CHST11: variants seen among roughly 807,000 people sequenced by gnomAD.
CHST11 encodes the protein carbohydrate sulfotransferase 11.
A neutral mutation model predicts 30.4 loss-of-function variants in CHST11; 9 were observed. The ratio of observed to expected loss-of-function variants is 0.30; its 90% confidence interval spans 0.18 to 0.52. CHST11 has a LOEUF of 0.52. CHST11 is among the 20% of genes least tolerant of loss of function. CHST11 has a pLI of 0.97. For missense variants in CHST11, 348 were observed against 460.6 expected, an observed-to-expected ratio of 0.76 and a Z score of 2.24; for synonymous variants, 152 against 187.8, an observed-to-expected ratio of 0.81 and a Z score of 1.56.
intron 2 of CHST11, among the ~76,000 whole-genome samples, chr12:104,707,111 C>T (rs2040043052): frequency 6.6e-6 from 1 of 152,202 alleles, no homozygotes; most frequent in Non-Finnish European, 1.5e-5. Flanking sequence ...CTTCCCAGAC[C>T]CTGCTACCAC....
intron 2 of CHST11, among the ~76,000 whole-genome samples, chr12:104,628,020 G>A (rs2039234353): frequency 6.6e-6 from 1 of 152,176 alleles, no homozygotes; most frequent in South Asian, 2.1e-4. Flanking sequence ...CTTTCCTAAG[G>A]TCACACAGCT....
intron 1 of CHST11, among the ~76,000 whole-genome samples, chr12:104,460,095 G>T (rs747925354): frequency 6.6e-6 from 1 of 152,148 alleles, no homozygotes; most frequent in Admixed American, 6.5e-5. Context: ...TCACTGGTTT[G>T]AATTTCTTTA....
chr12:104,716,749 GC>G (rs1430805645), intron 2 of CHST11, among the ~76,000 whole-genome samples: 1 of 152,210 alleles, frequency 6.6e-6, no homozygotes, highest in Non-Finnish European at 1.5e-5. Flanking sequence ...GGCTTCACAG[GC>G]CCAGAATTTA....
chr12:104,504,012 G>C (rs1006984700), intron 1 of CHST11, among the ~76,000 whole-genome samples: 2 of 152,224 alleles, frequency 1.3e-5, no homozygotes, highest in African/African-American at 4.8e-5. Flanking sequence ...TGCCTCAAAA[G>C]TTGGACGCAC....
At chr12:104,722,069 G>T (rs1294676126) in intron 2 of CHST11, among the ~76,000 whole-genome samples, 3 of 151,956 alleles carry the variant, frequency 2.0e-5, no homozygotes, top group Non-Finnish European at 4.4e-5. Context: ...GCTCACTGCA[G>T]CCTGGACCTC....
rs1170484603 is a variant in CHST11, at chr12:104,676,948, C to T, written c.204+74957C>T. Among the ~76,000 whole-genome samples, 5 of 152,128 alleles carry T rather than the reference C, an allele frequency of 3.3e-5. No individual in the cohort carries two copies. Among genetic ancestry groups the T allele is most frequent in the Non-Finnish European group, 7.4e-5 (5 of 67,994 alleles). The stretch of plus-strand genomic sequence containing the variant: ...TTCTATAGGGGCTGTGTGGTGTGGG[C>T]CCCATCCCAGCCCCTGCCCTTACTA... On this transcript the variant is annotated intron_variant, in intron 2 of 2. Coordinates refer to ENST00000303694, the MANE Select transcript of CHST11 (RefSeq NM_018413.6). This position sits in a 1 kb window ranked among gnomAD's most constrained non-coding sequence, Gnocchi z 4.4.
In CHST11 at chr12:104,698,137, T is replaced by C. The variant is rs1444437967; in HGVS notation, c.205-58812T>C. ...AGCCATTTATTCATCCATCATTGAC[T>C]GGAGCCCTGTTCAGTGCACCCCTGT... On this transcript the variant is annotated intron_variant, in intron 2 of 2. Coordinates refer to ENST00000303694, the MANE Select transcript of CHST11 (RefSeq NM_018413.6). Among the ~76,000 whole-genome samples, 3 of 152,250 alleles carry C rather than the reference T, an allele frequency of 2.0e-5. No homozygotes were observed. In the East Asian group the frequency reaches 5.8e-4, roughly 29 times the overall value.
intron 2 of CHST11, among the ~76,000 whole-genome samples, chr12:104,731,243 C>T (rs953137405): frequency 3.3e-5 from 5 of 152,182 alleles, no homozygotes; most frequent in Non-Finnish European, 7.4e-5. Context: ...CACCCAGACA[C>T]GGCTGCCCCC....
chr12:104,577,835 G>T (rs145662687), intron 1 of CHST11, among the ~76,000 whole-genome samples: 2 of 152,290 alleles, frequency 1.3e-5, no homozygotes, highest in African/African-American at 4.8e-5. Context: ...TTTTTATACT[G>T]AAGAGGAGAT....
rs371989033 is a variant in CHST11, at chr12:104,603,636, T to C, written c.204+1645T>C. 1.1e-4 allele frequency among the ~76,000 whole-genome samples: 17 copies of C among 152,302 alleles called. No homozygotes were observed. In the East Asian group the frequency reaches 2.9e-3, roughly 26 times the overall value. Reference sequence around the variant, plus strand: ...CCTACCTAAAACTCTCCCTGGAATGTTGGGAGGATGAAATAATTCTGATGT... The same window carrying C: ...CCTACCTAAAACTCTCCCTGGAATGCTGGGAGGATGAAATAATTCTGATGT... On this transcript the variant is annotated intron_variant, in intron 2 of 2. Transcript: ENST00000303694.
intron 2 of CHST11, among the ~76,000 whole-genome samples, chr12:104,695,583 G>A (rs1286792176): frequency 6.6e-6 from 1 of 152,146 alleles, no homozygotes; most frequent in Non-Finnish European, 1.5e-5. Context: ...CTGCAAGCGG[G>A]GAGCTTCCAG....
At chr12:104,538,490 A>T (rs915112548) in intron 1 of CHST11, among the ~76,000 whole-genome samples, 49 of 152,256 alleles carry the variant, frequency 3.2e-4, no homozygotes, top group African/African-American at 1.1e-3. Flanking sequence ...CCCCTACTGT[A>T]TTCTTTGGGA....
Position 104,669,028 on chromosome 12 carries a change from C to T in CHST11, c.204+67037C>T, listed in dbSNP as rs896250276. 2.0e-5 allele frequency among the ~76,000 whole-genome samples: 3 copies of T among 152,218 alleles called. No individual in the cohort carries two copies. The East Asian group carries it at 5.8e-4, about 29-fold the overall frequency. On this transcript the variant is annotated intron_variant, in intron 2 of 2. Coordinates refer to ENST00000303694, the MANE Select transcript of CHST11 (RefSeq NM_018413.6). ...CACATTAGCCCTGACATTTCTTTCT[C>T]CCCATTTCTGTGGGCAAGGAACACG...
chr12:104,628,424 A>G (rs1366244620), intron 2 of CHST11, among the ~76,000 whole-genome samples: 1 of 152,164 alleles, frequency 6.6e-6, no homozygotes, highest in East Asian at 1.9e-4. Flanking sequence ...CAGACACAAC[A>G]TGAGCCTATC....
intron 1 of CHST11, among the ~76,000 whole-genome samples, chr12:104,560,091 T>C (rs994726672): frequency 6.6e-6 from 1 of 151,648 alleles, no homozygotes; most frequent in African/African-American, 2.4e-5. Flanking sequence ...AGGCTCAGAG[T>C]TGGGGATGAG....
At chr12:104,713,374 A>G (rs1220925692) in intron 2 of CHST11, among the ~76,000 whole-genome samples, 1 of 152,104 alleles carries the variant, frequency 6.6e-6, no homozygotes, top group Non-Finnish European at 1.5e-5. Context: ...CAGGATAGAA[A>G]TCAGCCAAGC....
chr12:104,676,016 C>G lies in CHST11; in HGVS notation c.204+74025C>G, dbSNP rs1222464038. ...CAAGCTACATCCCCGCATGCCTCGA[C>G]TGGTCAACTCCTATAATTCTGTCTG... On this transcript the variant is annotated intron_variant, in intron 2 of 2. Transcript: ENST00000303694. The surrounding 1 kb of genome is among the most constrained non-coding windows in gnomAD (Gnocchi z 4.4). Among the ~76,000 whole-genome samples, 1 of 152,190 alleles carries G rather than the reference C, an allele frequency of 6.6e-6. No individual in the cohort carries two copies. Among genetic ancestry groups the G allele is most frequent in the Non-Finnish European group, 1.5e-5 (1 of 68,036 alleles).
intron 1 of CHST11, among the ~76,000 whole-genome samples, chr12:104,542,585 A>T (rs1018766470): frequency 6.6e-6 from 1 of 152,226 alleles, no homozygotes; most frequent in Non-Finnish European, 1.5e-5. Context: ...ACACACATGA[A>T]ACTGGTATCA....
chr12:104,598,340 G>A (rs767124571), intron 1 of CHST11, among the ~76,000 whole-genome samples: 4 of 152,168 alleles, frequency 2.6e-5, no homozygotes, highest in South Asian at 2.1e-4. Context: ...GGGAGGGTCC[G>A]AACCTTCGCA....
Sources: allele counts gnomAD v4.1 joint callset (sites outside exome capture counted in the v4.1 genomes callset), GRCh38; gene constraint gnomAD v4.1.1; non-coding constraint Gnocchi (gnomAD v3.1); transcripts MANE v1.5; gene names NCBI Gene and HGNC (gene_info 2026-07-23, HGNC 2026-07-21).